Variants in NAA11 observed in about 807,000 individuals in gnomAD.
NAA11 encodes the protein N-alpha-acetyltransferase 11, NatA catalytic subunit, also known as N-alpha-acetyltransferase 11.
NAA11 carries 15 observed loss-of-function variants against 16.1 expected under a neutral mutation model. That is an observed-to-expected ratio of 0.93 (90% CI 0.62 to 1.44). The LOEUF (loss-of-function observed/expected upper bound fraction) is 1.44. Among genes scored for constraint, NAA11 ranks in the 40% most tolerant of loss-of-function variants. NAA11 has a pLI of 0.00. For synonymous variants in NAA11, 122 were observed against 112.4 expected, an observed-to-expected ratio of 1.09 and a Z score of -0.54; for missense variants, 298 against 291.3, an observed-to-expected ratio of 1.02 and a Z score of -0.17.
At chr4:79,242,238 C>A (rs1270586872) in intron 2 of NAA11, among the ~76,000 whole-genome samples, 1 of 147,800 alleles carries the variant, frequency 6.8e-6, no homozygotes, top group African/African-American at 2.5e-5. Flanking sequence ...GGCCCACCTG[C>A]ACCTTGGAGG....
chr4:79,272,429 T>C (rs1578173137), intron 2 of NAA11, among the ~76,000 whole-genome samples: 1 of 152,192 alleles, frequency 6.6e-6, no homozygotes, highest in East Asian at 1.9e-4. Flanking sequence ...ATTGATATCC[T>C]GTGCAGAAGC....
chr4:79,191,707 T>C, the NAA11 span, among the ~76,000 whole-genome samples: 1 of 152,248 alleles, frequency 6.6e-6, no homozygotes, highest in Admixed American at 6.5e-5. Flanking sequence ...TTGTCAATTT[T>C]TGCTTTTGTT....
At chr4:79,277,815 A>C (rs1248194289) in intron 2 of NAA11, among the ~76,000 whole-genome samples, 1 of 152,048 alleles carries the variant, frequency 6.6e-6, no homozygotes, top group African/African-American at 2.4e-5. Context: ...CAGGAGCCAC[A>C]TGCGTCAGGG....
chr4:79,241,793 G>A (rs2109961627), intron 2 of NAA11, among the ~76,000 whole-genome samples: 1 of 152,306 alleles, frequency 6.6e-6, no homozygotes, highest in East Asian at 1.9e-4. Context: ...GGAAATTTAG[G>A]GTTATTTTAA....
At chr4:79,303,401 C>G (rs1057107083) in intron 1 of NAA11, among the ~76,000 whole-genome samples, 1 of 151,948 alleles carries the variant, frequency 6.6e-6, no homozygotes, top group East Asian at 1.9e-4. Context: ...TCACTGCAGC[C>G]TCAAACTCCA....
At chr4:79,293,526 A>G (rs1320503969) in intron 2 of NAA11, among the ~76,000 whole-genome samples, 1 of 152,206 alleles carries the variant, frequency 6.6e-6, no homozygotes, top group Admixed American at 6.5e-5. Context: ...AATTATACAG[A>G]TAAGGAAAAT....
At chr4:79,271,889 G>T (rs10518217) in intron 2 of NAA11, among the ~76,000 whole-genome samples, 6,346 of 151,914 alleles carry the variant, frequency 0.042, 484 homozygotes, top group African/African-American at 0.15. Flanking sequence ...ATGTTCTAAT[G>T]CAGTAGTCTT....
chr4:79,256,768 T>G (rs1722122610), intron 2 of NAA11, among the ~76,000 whole-genome samples: 2 of 151,392 alleles, frequency 1.3e-5, no homozygotes, highest in African/African-American at 4.9e-5. Context: ...TTCTTATGCC[T>G]CAGCCTCCTG....
chr4:79,176,893 T>C, the NAA11 span, among the ~76,000 whole-genome samples: 2 of 152,164 alleles, frequency 1.3e-5, no homozygotes, highest in Non-Finnish European at 2.9e-5. Context: ...TGTTAATGCA[T>C]ATAAAATCAG....
At chr4:79,270,502 G>C (rs1276330883) in intron 2 of NAA11, among the ~76,000 whole-genome samples, 2 of 144,786 alleles carry the variant, frequency 1.4e-5, no homozygotes, top group Non-Finnish European at 3.0e-5. Flanking sequence ...AATAGAAAAA[G>C]AGGGAATCCT....
the NAA11 span, among the ~76,000 whole-genome samples, chr4:79,175,830 T>A: frequency 1.4e-4 from 21 of 151,972 alleles, no homozygotes; most frequent in Admixed American, 1.4e-3. Flanking sequence ...ATACATCTAA[T>A]GTAATGTGAG....
chr4:79,274,291 CT>C (rs2109982824), intron 2 of NAA11, among the ~76,000 whole-genome samples: 1 of 152,148 alleles, frequency 6.6e-6, no homozygotes, highest in East Asian at 1.9e-4. Context: ...GCATTATGGG[CT>C]GATGATTACT....
At chr4:79,191,286 C>T in the NAA11 span, among the ~76,000 whole-genome samples, 1 of 151,958 alleles carries the variant, frequency 6.6e-6, no homozygotes, top group Non-Finnish European at 1.5e-5. Context: ...TACACTCCCA[C>T]CAACAGTGGG....
At chr4:79,309,580 T>C (rs1477060037) in intron 1 of NAA11, among the ~76,000 whole-genome samples, 1 of 152,178 alleles carries the variant, frequency 6.6e-6, no homozygotes, top group Non-Finnish European at 1.5e-5. Context: ...ATATTTGTTT[T>C]TTTAGAATTG....
chr4:79,247,256 C>T (rs4975080), intron 2 of NAA11, among the ~76,000 whole-genome samples: 109,259 of 152,136 alleles, frequency 0.72, 41,218 homozygotes, highest in East Asian at 0.89. Flanking sequence ...AAGCCATATA[C>T]GAGAAAGGTG....
chr4:79,202,521 T>TACACACAC, the NAA11 span, among the ~76,000 whole-genome samples: 808 of 135,212 alleles, frequency 6.0e-3, 10 homozygotes, highest in African/African-American at 0.018. Flanking sequence ...TAAACTTTTA[T>TACACACAC]ACACACACAC....
intron 2 of NAA11, among the ~76,000 whole-genome samples, chr4:79,241,653 G>A (rs764196708): frequency 1.8e-4 from 27 of 152,194 alleles, no homozygotes; most frequent in Admixed American, 5.9e-4. Context: ...TAGAGCTATG[G>A]AGGAACTTGA....
chr4:79,235,673 C>T (rs1414517088), intron 2 of NAA11, among the ~76,000 whole-genome samples: 2 of 152,046 alleles, frequency 1.3e-5, no homozygotes, highest in Non-Finnish European at 2.9e-5. Flanking sequence ...TTAACAATTT[C>T]ACCACACATT....
the NAA11 span, among the ~76,000 whole-genome samples, chr4:79,155,491 T>C: frequency 6.6e-6 from 1 of 152,208 alleles, no homozygotes; most frequent in African/African-American, 2.4e-5. Context: ...CTTTGCACAG[T>C]GAATTCTTGA....
Sources: allele counts gnomAD v4.1 joint callset (sites outside exome capture counted in the v4.1 genomes callset), GRCh38; gene constraint gnomAD v4.1.1; transcripts MANE v1.5; gene names NCBI Gene and HGNC (gene_info 2026-07-23, HGNC 2026-07-21).